The following SLC22A14 variants were observed in gnomAD, a reference collection of about 807,000 sequenced individuals.
The protein encoded by SLC22A14 is organic cation transporter-like 4.
A neutral mutation model predicts 53.9 loss-of-function variants in SLC22A14; 50 were observed. The observed-to-expected ratio is 0.93, with a 90% CI of 0.74 to 1.17. The LOEUF is 1.17. Among genes scored for constraint, SLC22A14 ranks in the 50% most tolerant of loss-of-function variants. The pLI, the probability that SLC22A14 is intolerant of heterozygous loss-of-function variation, is 0.00. For synonymous variants in SLC22A14, 312 were observed against 303.0 expected, an observed-to-expected ratio of 1.03 and a Z score of -0.31; for missense variants, 671 against 734.7, an observed-to-expected ratio of 0.91 and a Z score of 1.00.
intron 10 of SLC22A14, among the ~76,000 whole-genome samples, chr3:38,316,726 C>T (rs1469611876): frequency 2.0e-5 from 3 of 152,248 alleles, no homozygotes; most frequent in Non-Finnish European, 4.4e-5. Flanking sequence ...CAGTTCCCAT[C>T]CTGCTGCCCC....
chr3:38,301,368 C>G (rs539006194), intron 1 of SLC22A14, among the ~76,000 whole-genome samples: 2 of 152,280 alleles, frequency 1.3e-5, no homozygotes, highest in East Asian at 3.9e-4. Flanking sequence ...ACAAAATGTG[C>G]CAATGTGATA....
chr3:38,284,697 G>T (rs958674375), intron 1 of SLC22A14, among the ~76,000 whole-genome samples: 1 of 151,986 alleles, frequency 6.6e-6, no homozygotes, highest in Non-Finnish European at 1.5e-5. Context: ...ATACATGGAA[G>T]AATGTCCCCT....
intron 1 of SLC22A14, among the ~76,000 whole-genome samples, chr3:38,302,801 A>G (rs1704199756): frequency 6.6e-6 from 1 of 151,998 alleles, no homozygotes. Context: ...GTAATTTTCT[A>G]GTTGTGCTAT....
At chr3:38,312,912 A>T (rs1168834405) in intron 5 of SLC22A14, 87 bp from the exon 6 acceptor site, 1 of 1,507,300 alleles carries the variant, frequency 6.6e-7, no homozygotes, top group Non-Finnish European at 9.0e-7. Context: ...CTGGCACAGG[A>T]TGGCCACAGC....
At chr3:38,291,623 T>G (rs779708866) in intron 1 of SLC22A14, among the ~76,000 whole-genome samples, 3 of 152,230 alleles carry the variant, frequency 2.0e-5, no homozygotes, top group Non-Finnish European at 2.9e-5. Context: ...ATCAATTTCC[T>G]TACTGAGGTA....
rs745644814 is a variant in SLC22A14, at chr3:38,313,509, A to G, written c.1163+24A>G. 8.6e-6 allele frequency: 13 copies of G among 1,517,224 alleles called. No individual in the cohort carries two copies. The South Asian group carries it at 1.0e-4, about 12-fold the overall frequency. The allele number at this position is 1,517,224 out of a possible 1,614,324, so 94.0% of individuals were successfully genotyped here. A position where few individuals can be genotyped will look rare whatever the true frequency, so the allele number is the denominator to read the frequency against. ...TGGTGAGTATCCAGGGCTCGCTGGCAGGGACTGCGAACAGGTGCGCAGGCT... is the reference window on the plus strand; with the variant it reads ...TGGTGAGTATCCAGGGCTCGCTGGCGGGGACTGCGAACAGGTGCGCAGGCT... On this transcript the variant is annotated intron_variant, in intron 7 of 10. Coordinates refer to ENST00000448498, the MANE Select transcript of SLC22A14 (RefSeq NM_001320033.2).
At chr3:38,288,337 A>G (rs1703835618) in intron 1 of SLC22A14, among the ~76,000 whole-genome samples, 2 of 152,198 alleles carry the variant, frequency 1.3e-5, no homozygotes, top group African/African-American at 2.4e-5. Context: ...TCATCCATCC[A>G]TGGACATTTG....
intron 1 of SLC22A14, among the ~76,000 whole-genome samples, chr3:38,303,109 T>G (rs1043929013): frequency 6.6e-6 from 1 of 152,106 alleles, no homozygotes; most frequent in African/African-American, 2.4e-5. Flanking sequence ...TATTTGTATC[T>G]TCTTTTTTAT....
intron 5 of SLC22A14, among the ~76,000 whole-genome samples, chr3:38,310,420 A>G (rs1463954213): frequency 1.3e-5 from 2 of 152,168 alleles, no homozygotes; most frequent in Admixed American, 6.5e-5. Context: ...TTAATCTTAC[A>G]TCAGATCCAC....
chr3:38,281,068 A>G (rs1703659020), upstream of SLC22A14, among the ~76,000 whole-genome samples: 2 of 152,150 alleles, frequency 1.3e-5, no homozygotes, highest in South Asian at 4.1e-4. Context: ...GCTGCTGCTC[A>G]AGAGTGGGGA....
At chr3:38,315,433 C>A in intron 8 of SLC22A14, 125 bp from the exon 9 acceptor site, 1 of 1,008,070 alleles carries the variant, frequency 9.9e-7, no homozygotes, top group Non-Finnish European at 1.4e-6. Context: ...TGACAACCTG[C>A]CACTCCTCTG....
chr3:38,318,526 C>A lies in SLC22A14; in HGVS notation c.*277C>A. ...TTAAAAAAAATGCCCCCTCCTTCTG[C>A]AGGAGCTCTGCTGTGATTCATTCCA... On this transcript the variant is annotated 3_prime_UTR_variant, in exon 11 of 11. Coordinates refer to ENST00000448498, the MANE Select transcript of SLC22A14 (RefSeq NM_001320033.2). 1 of 413,548 alleles carries A rather than the reference C, an allele frequency of 2.4e-6. No individual in the cohort carries two copies. The allele number at this position is 413,548 out of a possible 1,614,324, so 25.6% of individuals were successfully genotyped here. A position where few individuals can be genotyped will look rare whatever the true frequency, so the allele number is the denominator to read the frequency against.
chr3:38,292,562 G>A (rs568066883), intron 1 of SLC22A14, among the ~76,000 whole-genome samples: 3 of 152,252 alleles, frequency 2.0e-5, no homozygotes, highest in Non-Finnish European at 4.4e-5. Context: ...TAGGCCTTGG[G>A]CTTTTAGGTT....
At chr3:38,292,426 T>G (rs2125874845) in intron 1 of SLC22A14, among the ~76,000 whole-genome samples, 1 of 152,242 alleles carries the variant, frequency 6.6e-6, no homozygotes. Context: ...AAAGGTTAGG[T>G]ATAGCTGGGT....
chr3:38,282,142 G>A (rs573275875), upstream of SLC22A14, among the ~76,000 whole-genome samples: 3 of 152,296 alleles, frequency 2.0e-5, no homozygotes, highest in East Asian at 1.9e-4. Context: ...GGGCAGGGGG[G>A]TTCGTGTGGC....
intron 4 of SLC22A14, among the ~76,000 whole-genome samples, chr3:38,308,523 GGGGTTT>G (rs1383436507): frequency 6.6e-6 from 1 of 152,228 alleles, no homozygotes; most frequent in East Asian, 1.9e-4. Context: ...CTAGTTGCTC[GGGGTTT>G]CCTGGCAGGA....
intron 9 of SLC22A14, among the ~76,000 whole-genome samples, chr3:38,315,992 G>A (rs547486928): frequency 6.6e-6 from 1 of 152,342 alleles, no homozygotes; most frequent in East Asian, 1.9e-4. Flanking sequence ...TCCAGCCCCT[G>A]CCTTGCACTC....
At chr3:38,311,217 A>T (rs1325494157) in intron 5 of SLC22A14, among the ~76,000 whole-genome samples, 1 of 152,206 alleles carries the variant, frequency 6.6e-6, no homozygotes, top group Non-Finnish European at 1.5e-5. Context: ...GTTAGCAGTG[A>T]GCACCAATGT....
In SLC22A14 at chr3:38,315,678, T is replaced by A. The variant is rs781608663; in HGVS notation, c.1499T>A (p.Leu500His). The A allele has an allele frequency of 6.2e-7, 1 of 1,613,828 alleles. No individual in the cohort carries two copies. Among genetic ancestry groups the A allele is most frequent in the Non-Finnish European group, 8.5e-7 (1 of 1,180,008 alleles). ...GCCGCCACTGTCACTGTGTTCTTCCTCTACACCGCTGAGCTCCTCCCCACT... is the reference window on the plus strand; with the variant it reads ...GCCGCCACTGTCACTGTGTTCTTCCACTACACCGCTGAGCTCCTCCCCACT... ...SLAATVTVFF[L>H]YTAELLPTVL... Residue 500 changes from leucine (L) to histidine (H), a missense_variant, in exon 9 of 11, where the codon CTC becomes CAC. Transcript: ENST00000448498.
Sources: gnomAD v4.1 joint callset for allele counts (sites outside exome capture counted in the v4.1 genomes callset) on GRCh38, gnomAD v4.1.1 for gene constraint, MANE v1.5 for transcripts, NCBI Gene and HGNC (gene_info 2026-07-23, HGNC 2026-07-21) for gene names.